The following RPGRIP1 variants were observed in gnomAD, a reference collection of about 807,000 sequenced individuals.
The protein encoded by RPGRIP1 is RPGR interacting protein 1, also known as X-linked retinitis pigmentosa GTPase regulator-interacting protein 1.
A neutral mutation model predicts 157.9 loss-of-function variants in RPGRIP1; 128 were observed. That is an observed-to-expected ratio of 0.81 (90% confidence interval 0.70 to 0.94). The LOEUF is 0.94. Among genes scored for constraint, RPGRIP1 ranks in the 40% least tolerant of loss-of-function variants. The probability of loss-of-function intolerance (pLI) is 0.00; values close to 1 mark genes in which losing one functional copy is unlikely to be tolerated. For missense variants in RPGRIP1, 1,486 were observed against 1,545.8 expected (o/e 0.96, Z 0.65); for synonymous variants, 554 against 571.6 (o/e 0.97, Z 0.44).
intron 7 of RPGRIP1, among the ~76,000 whole-genome samples, chr14:21,309,593 AGT>A (rs1354281397): frequency 6.6e-6 from 1 of 152,194 alleles, no homozygotes; most frequent in Non-Finnish European, 1.5e-5. Context: ...TGTGTTAATA[AGT>A]GTGTAAGAGA....
intron 24 of RPGRIP1, among the ~76,000 whole-genome samples, chr14:21,350,747 A>G (rs60512671): frequency 6.6e-6 from 1 of 152,078 alleles, no homozygotes; most frequent in Middle Eastern, 3.2e-3. Flanking sequence ...TTTGTGGGCT[A>G]TTTTCCAACT....
At chr14:21,341,251 G>A (rs1323913930) in intron 21 of RPGRIP1, among the ~76,000 whole-genome samples, 5 of 152,058 alleles carry the variant, frequency 3.3e-5, no homozygotes, top group Non-Finnish European at 5.9e-5. Context: ...GGCTGGTTTT[G>A]AACTCCTGAC....
At chr14:21,292,782 G>A (rs1347755902) in intron 2 of RPGRIP1, among the ~76,000 whole-genome samples, 1 of 151,780 alleles carries the variant, frequency 6.6e-6, no homozygotes, top group Non-Finnish European at 1.5e-5. Context: ...ACAGGGAGAC[G>A]GAGGTTGCAG....
chr14:21,302,598 A>G lies in RPGRIP1; in HGVS notation c.587+14A>G. ...ACCCAGTGAACTGTGAGTTCTTCTC[A>G]TTTATCCCATGTTGTTATTCCTGCC... On this transcript the variant is annotated intron_variant, in intron 5 of 24. Transcript: ENST00000400017. 1 of 1,452,508 alleles carries G rather than the reference A, an allele frequency of 6.9e-7. No homozygotes were observed. Among genetic ancestry groups the G allele is most frequent in the Non-Finnish European group, 9.4e-7 (1 of 1,060,700 alleles). The allele number at this position is 1,452,508 out of a possible 1,614,324, so 90.0% of individuals were successfully genotyped here.
chr14:21,346,277 C>G (rs748257042), intron 23 of RPGRIP1, among the ~76,000 whole-genome samples: 72 of 152,068 alleles, frequency 4.7e-4, no homozygotes, highest in Non-Finnish European at 8.5e-4. Context: ...TGGTCGGGTG[C>G]AGTGGCTCAC....
chr14:21,287,720 A>G (rs1383721517), intron 1 of RPGRIP1, among the ~76,000 whole-genome samples: 2 of 152,208 alleles, frequency 1.3e-5, no homozygotes, highest in East Asian at 3.8e-4. Context: ...CATCAATTCC[A>G]TAATCATAAA....
At chr14:21,350,173 C>T (rs1019949477) in intron 24 of RPGRIP1, among the ~76,000 whole-genome samples, 4 of 151,990 alleles carry the variant, frequency 2.6e-5, no homozygotes, top group Admixed American at 6.6e-5. Context: ...GTCAGGAGTT[C>T]GAGACCAGCC....
chr14:21,329,212 G>A (rs915396983), intron 19 of RPGRIP1, among the ~76,000 whole-genome samples: 3 of 151,668 alleles, frequency 2.0e-5, no homozygotes, highest in East Asian at 2.0e-4. Context: ...CTACTCAGTC[G>A]GGAGGCTGAG....
chr14:21,333,111 CA>C (rs574077300), intron 20 of RPGRIP1, among the ~76,000 whole-genome samples: 2 of 152,192 alleles, frequency 1.3e-5, no homozygotes, highest in South Asian at 4.1e-4. Flanking sequence ...AAAACAAAAA[CA>C]AAACAAAAAC....
intron 23 of RPGRIP1, among the ~76,000 whole-genome samples, chr14:21,345,496 A>ATG (rs1885472799): frequency 6.7e-6 from 1 of 149,340 alleles, no homozygotes; most frequent in South Asian, 2.1e-4. Context: ...CCACCTCCCC[A>ATG]GGCTCAAGGG....
At chr14:21,315,182 A>C (rs991267642) in intron 10 of RPGRIP1, among the ~76,000 whole-genome samples, 8 of 151,880 alleles carry the variant, frequency 5.3e-5, no homozygotes, top group African/African-American at 1.5e-4. Flanking sequence ...CAAAAAAAAA[A>C]CCTGTAAGTA....
At chr14:21,287,255 G>A (rs114170834) in intron 1 of RPGRIP1, among the ~76,000 whole-genome samples, 135 of 152,150 alleles carry the variant, frequency 8.9e-4, no homozygotes, top group African/African-American at 3.2e-3. Context: ...AAAATTAGCC[G>A]GGTGCAGTAG....
At chr14:21,311,328 G>C (rs1187206548) in intron 8 of RPGRIP1, among the ~76,000 whole-genome samples, 4 of 152,136 alleles carry the variant, frequency 2.6e-5, no homozygotes, top group Admixed American at 2.6e-4. Flanking sequence ...GAGGCGGGTG[G>C]ATGACCTAAG....
intron 14 of RPGRIP1, 109 bp downstream of exon 14, chr14:21,322,113 T>C: frequency 1.2e-6 from 1 of 854,794 alleles, no homozygotes; most frequent in South Asian, 2.4e-5. Context: ...CCTTAGCATA[T>C]GACTTATCCT....
At chr14:21,325,202 C>A (rs1162326317) in intron 15 of RPGRIP1, 30 bp from the exon 16 acceptor site, 1 of 1,580,770 alleles carries the variant, frequency 6.3e-7, no homozygotes. Context: ...CATCTGTATT[C>A]CCCCTGCTTT....
chr14:21,315,974 G>GT (rs35698876), intron 10 of RPGRIP1, among the ~76,000 whole-genome samples: 1,485 of 107,380 alleles, frequency 0.014, 58 homozygotes, highest in African/African-American at 0.048. Context: ...AATTTTTGTG[G>GT]TTTTTTTTTT....
At chr14:21,317,575 G>A (rs567100221) in intron 10 of RPGRIP1, 121 bp from the exon 11 acceptor site, 6 of 1,537,362 alleles carry the variant, frequency 3.9e-6, no homozygotes, top group Non-Finnish European at 4.4e-6. Context: ...AGCAAGGGCA[G>A]AAAAAAACAT....
chr14:21,297,728 T>C (rs1232022927), intron 3 of RPGRIP1, among the ~76,000 whole-genome samples: 1 of 152,092 alleles, frequency 6.6e-6, no homozygotes, highest in Admixed American at 6.6e-5. Flanking sequence ...TAAGCTTTGT[T>C]TGATTGGGTG....
At chr14:21,337,465 T>C (rs1008589442) in intron 21 of RPGRIP1, among the ~76,000 whole-genome samples, 1 of 132,454 alleles carries the variant, frequency 7.5e-6, no homozygotes, top group African/African-American at 3.0e-5. Flanking sequence ...TGAGATAGAG[T>C]CTTGTTCTGT....
Sources: allele counts gnomAD v4.1 joint callset (sites outside exome capture counted in the v4.1 genomes callset), GRCh38; gene constraint gnomAD v4.1.1; transcripts MANE v1.5; gene names NCBI Gene and HGNC (gene_info 2026-07-23, HGNC 2026-07-21).